Variants in RFC3 observed in about 807,000 individuals in gnomAD.
RFC3 encodes A1 38 kDa subunit.
A neutral mutation model predicts 45.1 loss-of-function variants in RFC3; 41 were observed. The ratio of observed to expected loss-of-function variants is 0.91; its 90% CI spans 0.71 to 1.18. RFC3 has a LOEUF of 1.18. Among genes scored for constraint, RFC3 ranks in the 50% most tolerant of loss-of-function variants. The pLI is 0.00. For synonymous variants in RFC3, 149 were observed against 144.0 expected (o/e 1.03, Z -0.25); for missense variants, 423 against 428.1 (o/e 0.99, Z 0.10).
intron 8 of RFC3, among the ~76,000 whole-genome samples, chr13:33,902,231 A>G (rs1219361193): frequency 5.3e-5 from 8 of 152,104 alleles, no homozygotes; most frequent in African/African-American, 1.9e-4. Context: ...TTGTTCAAGC[A>G]TAACGCTGAC....
intron 8 of RFC3, among the ~76,000 whole-genome samples, chr13:33,899,204 CAAAAA>C (rs59221382): frequency 0.082 from 4,253 of 52,152 alleles, 53 homozygotes; most frequent in South Asian, 0.17. Flanking sequence ...CACAATAAGA[CAAAAA>C]AAAAAAAAAA....
Position 33,860,179 on chromosome 13 carries a change from C to G in RFC3, c.879+24962C>G, listed in dbSNP as rs370460223. The stretch of plus-strand genomic sequence containing the variant: ...AAAAATATGTTTCTGTTGTTTAAGC[C>G]ACTCCACCTGTGGCATTTTGTTTTG... On this transcript the variant is annotated intron_variant, in intron 8 of 8. Coordinates refer to the RFC3 transcript ENST00000434425. 3.9e-5 allele frequency among the ~76,000 whole-genome samples: 6 copies of G among 152,190 alleles called. No homozygotes were observed. In the South Asian group the frequency reaches 1.2e-3, roughly 32 times the overall value.
At chr13:33,835,070 G>A (rs1380710963) in intron 7 of RFC3, 78 bp from the exon 8 acceptor site, 12 of 841,958 alleles carry the variant, frequency 1.4e-5, no homozygotes, top group Non-Finnish European at 2.1e-5. Context: ...AATTCATAAA[G>A]TAAAACCATA....
At chr13:33,873,113 C>G (rs1040887656) in intron 8 of RFC3, among the ~76,000 whole-genome samples, 2 of 152,072 alleles carry the variant, frequency 1.3e-5, no homozygotes, top group Admixed American at 6.5e-5. Context: ...GAAATTTATC[C>G]TATCAATCCA....
At chr13:33,867,315 G>A (rs2082379720) in intron 8 of RFC3, among the ~76,000 whole-genome samples, 1 of 152,292 alleles carries the variant, frequency 6.6e-6, no homozygotes, top group Non-Finnish European at 1.5e-5. Flanking sequence ...ATTGGAAATG[G>A]GAATTGATTC....
intron 8 of RFC3, among the ~76,000 whole-genome samples, chr13:33,955,729 G>T (rs1355144582): frequency 6.6e-6 from 1 of 152,162 alleles, no homozygotes; most frequent in African/African-American, 2.4e-5. Flanking sequence ...GCTAATTTGG[G>T]TTTTCCTCAA....
At chr13:33,820,791 TAGTC>T (rs1439597393) in intron 1 of RFC3, among the ~76,000 whole-genome samples, 1 of 152,084 alleles carries the variant, frequency 6.6e-6, no homozygotes, top group African/African-American at 2.4e-5. Flanking sequence ...GAGATTCTGA[TAGTC>T]AGGTTTGGGA....
intron 8 of RFC3, among the ~76,000 whole-genome samples, chr13:33,942,159 A>G (rs998863676): frequency 6.6e-6 from 1 of 152,118 alleles, no homozygotes; most frequent in Admixed American, 6.5e-5. Flanking sequence ...TGCCTGCATC[A>G]CTTGTTGGTT....
At chr13:33,967,417 A>G (rs1447342487), downstream of RFC3, among the ~76,000 whole-genome samples, 2 of 151,330 alleles carry the variant, frequency 1.3e-5, no homozygotes, top group South Asian at 2.1e-4. Flanking sequence ...TACAATATAT[A>G]TGAGTCCATT....
At chr13:33,857,043 G>A (rs2082312536) in intron 8 of RFC3, among the ~76,000 whole-genome samples, 1 of 152,082 alleles carries the variant, frequency 6.6e-6, no homozygotes, top group African/African-American at 2.4e-5. Flanking sequence ...AATACATGGG[G>A]CAAGAGAATT....
chr13:33,886,412 G>A (rs948705897), intron 8 of RFC3, among the ~76,000 whole-genome samples: 20 of 151,938 alleles, frequency 1.3e-4, no homozygotes, highest in African/African-American at 4.4e-4. Flanking sequence ...CGGTCGTGGT[G>A]GTGGGCACCT....
chr13:33,843,380 C>G (rs2082214326), intron 8 of RFC3, among the ~76,000 whole-genome samples: 1 of 152,112 alleles, frequency 6.6e-6, no homozygotes, highest in South Asian at 2.1e-4. Flanking sequence ...CAGCCTAATG[C>G]CAATTTACAA....
chr13:33,928,761 C>T (rs867110461), intron 8 of RFC3, among the ~76,000 whole-genome samples: 6 of 151,898 alleles, frequency 4.0e-5, no homozygotes, highest in Admixed American at 1.3e-4. Flanking sequence ...ATCAGTTGCA[C>T]GCCATTCAGT....
the RFC3 span, among the ~76,000 whole-genome samples, chr13:33,976,099 A>G: frequency 2.0e-5 from 3 of 152,248 alleles, no homozygotes; most frequent in African/African-American, 7.2e-5. Context: ...ATGATGGGGT[A>G]TACCAAAGAA....
intron 8 of RFC3, among the ~76,000 whole-genome samples, chr13:33,860,094 CAGG>C (rs1382293321): frequency 2.0e-5 from 3 of 152,196 alleles, no homozygotes; most frequent in Non-Finnish European, 4.4e-5. Flanking sequence ...GGACAGTCCT[CAGG>C]AGAAGCCAAC....
chr13:33,887,610 C>G (rs2082534621), intron 8 of RFC3, among the ~76,000 whole-genome samples: 1 of 152,112 alleles, frequency 6.6e-6, no homozygotes, highest in African/African-American at 2.4e-5. Context: ...ATGGTAGTTT[C>G]TTTTGCTGTG....
At chr13:33,874,186 C>T (rs2082430946) in intron 8 of RFC3, among the ~76,000 whole-genome samples, 1 of 152,148 alleles carries the variant, frequency 6.6e-6, no homozygotes, top group Admixed American at 6.5e-5. Flanking sequence ...AACAACATGC[C>T]ATCATTCTAT....
At chr13:33,823,133 A>G (rs1339756783) in intron 2 of RFC3, among the ~76,000 whole-genome samples, 1 of 152,184 alleles carries the variant, frequency 6.6e-6, no homozygotes, top group African/African-American at 2.4e-5. Context: ...GAAAGGCATG[A>G]TAAAACCTAC....
intron 8 of RFC3, among the ~76,000 whole-genome samples, chr13:33,882,118 A>T (rs1341219022): frequency 6.6e-6 from 1 of 152,236 alleles, no homozygotes; most frequent in African/African-American, 2.4e-5. Flanking sequence ...AAAGTAGAAC[A>T]GATAATTTCT....
Sources: allele counts gnomAD v4.1 joint callset (sites outside exome capture counted in the v4.1 genomes callset), GRCh38; gene constraint gnomAD v4.1.1; transcripts MANE v1.5; gene names NCBI Gene and HGNC (gene_info 2026-07-23, HGNC 2026-07-21).